The following TENM2 variants were observed in gnomAD, a reference collection of about 807,000 sequenced individuals.
TENM2 encodes the protein teneurin transmembrane protein 2, also known as teneurin-2.
TENM2 carries 52 observed loss-of-function variants against 245.2 expected under a neutral mutation model. The ratio of observed to expected loss-of-function variants is 0.21; its 90% CI spans 0.17 to 0.27. The LOEUF is 0.27. TENM2 is among the 10% of genes least tolerant of loss of function. The probability of loss-of-function intolerance (pLI) is 1.00; values close to 1 mark genes in which losing one functional copy is unlikely to be tolerated. For missense variants in TENM2, 3,046 were observed against 3,666.8 expected, an observed-to-expected ratio of 0.83 and a Z score of 4.37; for synonymous variants, 1,363 against 1,438.9, an observed-to-expected ratio of 0.95 and a Z score of 1.19.
chr5:167,327,806 G>A (rs1757176923), intron 1 of TENM2, among the ~76,000 whole-genome samples: 1 of 152,206 alleles, frequency 6.6e-6, no homozygotes, highest in Admixed American at 6.5e-5. Context: ...GTAGAGTATT[G>A]CAGGTCATGA....
intron 2 of TENM2, among the ~76,000 whole-genome samples, chr5:167,460,824 A>C (rs1049560208): frequency 2.0e-5 from 3 of 151,778 alleles, no homozygotes; most frequent in African/African-American, 7.3e-5. Context: ...CTTTTAAGGG[A>C]CTCCTTTTAT....
chr5:167,746,706 A>AGAGAGAGAGAGAGAGAGAGAGAGAGC (rs1561732796), intron 2 of TENM2, among the ~76,000 whole-genome samples: 1 of 142,490 alleles, frequency 7.0e-6, no homozygotes, highest in Non-Finnish European at 1.6e-5. Context: ...AGAGAGAGAG[A>AGAGAGAGAGAGAGAGAGAGAGAGAGC]GAGAGAGAGC....
chr5:167,335,609 T>G (rs1353945156), intron 1 of TENM2, among the ~76,000 whole-genome samples: 1 of 149,418 alleles, frequency 6.7e-6, no homozygotes, highest in Non-Finnish European at 1.5e-5. Flanking sequence ...AGACTCATCT[T>G]TTTTTTTTTA....
chr5:167,348,198 A>G (rs187669422), intron 1 of TENM2, among the ~76,000 whole-genome samples: 1 of 152,362 alleles, frequency 6.6e-6, no homozygotes, highest in East Asian at 1.9e-4. Context: ...AAACAGATTT[A>G]CAATCCGAGG....
chr5:167,152,213 G>A, the TENM2 span, among the ~76,000 whole-genome samples: 1 of 152,210 alleles, frequency 6.6e-6, no homozygotes, highest in African/African-American at 2.4e-5. Flanking sequence ...TACATGGTAT[G>A]AAGCAGAAAT....
intron 1 of TENM2, among the ~76,000 whole-genome samples, chr5:167,355,082 T>A (rs2127239469): frequency 6.6e-6 from 1 of 152,292 alleles, no homozygotes; most frequent in East Asian, 1.9e-4. Context: ...GCTTATGAGA[T>A]CCCCAAAAGC....
rs572187768 is a variant in TENM2, at chr5:168,153,917, C to T, written c.2423-8694C>T. On this transcript the variant is annotated intron_variant, in intron 12 of 28. Transcript: ENST00000518659. ...CAGGGGCATGGCATGAGTTGGGGTGCGTTTTAGCAACACGGTGCTATTCAC... is the reference window on the plus strand; with the variant it reads ...CAGGGGCATGGCATGAGTTGGGGTGTGTTTTAGCAACACGGTGCTATTCAC... Among the ~76,000 whole-genome samples, 8 of 152,106 alleles carry T rather than the reference C, an allele frequency of 5.3e-5. No individual in the cohort carries two copies. In the East Asian group the frequency reaches 7.8e-4, roughly 15 times the overall value.
At chr5:167,745,932 C>T (rs1041216421) in intron 2 of TENM2, among the ~76,000 whole-genome samples, 3 of 152,110 alleles carry the variant, frequency 2.0e-5, no homozygotes, top group African/African-American at 7.2e-5. Context: ...CTTATGATGC[C>T]ATGGACATTC....
At chr5:167,184,749 T>G in the TENM2 span, among the ~76,000 whole-genome samples, 2 of 152,264 alleles carry the variant, frequency 1.3e-5, no homozygotes, top group African/African-American at 2.4e-5. Flanking sequence ...TACTTTGCAG[T>G]CCTCAGGCTA....
rs143559683 is a variant in TENM2 at position 167,498,164 on chromosome 5, CCT to C, written c.502+122694_502+122695del. Among the ~76,000 whole-genome samples, 1,421 of 152,184 alleles carry C rather than the reference CCT, an allele frequency of 9.3e-3. 27 individuals are homozygous for C. The highest frequency in any genetic ancestry group is 0.033 in the African/African-American group (1,361 of 41,514). ...GCATGCTTTTAATGTTGAAAGAAGA[CCT>C]CTGTGTTTCTAGGATTACATTGTCG... On this transcript the variant is annotated intron_variant, in intron 2 of 28. Coordinates refer to ENST00000518659, the Ensembl canonical transcript of TENM2.
chr5:168,098,459 T>C (rs2152277146), intron 9 of TENM2, among the ~76,000 whole-genome samples: 1 of 152,298 alleles, frequency 6.6e-6, no homozygotes, highest in African/African-American at 2.4e-5. Context: ...TTCTATGTAA[T>C]GGAAGATTAA....
intron 2 of TENM2, among the ~76,000 whole-genome samples, chr5:167,568,119 G>A (rs554757429): frequency 6.6e-6 from 1 of 152,186 alleles, no homozygotes; most frequent in Non-Finnish European, 1.5e-5. Context: ...CCAAAGGCAG[G>A]ACAAGATTAA....
In TENM2 at chr5:167,431,180, G is replaced by A. The variant is rs146099847; in HGVS notation, c.502+55707G>A. Among the ~76,000 whole-genome samples the A allele has an allele frequency of 6.6e-3, 1,007 of 152,140 alleles. 3 individuals are homozygous for A. The highest frequency in any genetic ancestry group is 0.023 in the African/African-American group (951 of 41,496). ...GTGAGGGCATAACATTTAGATTTTAGGTCATTAAGACAATTATCAATTTCT... is the reference window on the plus strand; with the variant it reads ...GTGAGGGCATAACATTTAGATTTTAAGTCATTAAGACAATTATCAATTTCT... On this transcript the variant is annotated intron_variant, in intron 2 of 28. Coordinates refer to ENST00000518659, the Ensembl canonical transcript of TENM2.
chr5:167,638,176 T>C (rs566327937), intron 2 of TENM2, among the ~76,000 whole-genome samples: 16 of 150,068 alleles, frequency 1.1e-4, no homozygotes, highest in African/African-American at 3.4e-4. Flanking sequence ...TGCACATGCA[T>C]TCATTCACAC....
At chr5:167,224,152 T>G in the TENM2 span, among the ~76,000 whole-genome samples, 1 of 152,162 alleles carries the variant, frequency 6.6e-6, no homozygotes, top group Non-Finnish European at 1.5e-5. Flanking sequence ...ACCTCTTCAC[T>G]CTGTTGATTG....
At chr5:167,208,031 G>T in the TENM2 span, among the ~76,000 whole-genome samples, 1 of 152,200 alleles carries the variant, frequency 6.6e-6, no homozygotes, top group Non-Finnish European at 1.5e-5. Flanking sequence ...TGGGATTACA[G>T]GCGTGAGCCA....
rs1035668433 is a variant in TENM2, at chr5:167,992,841, T to C, written c.948-103T>C. 5 of 819,860 alleles carry C rather than the reference T, an allele frequency of 6.1e-6. No homozygotes were observed. The Admixed American group carries it at 6.9e-5, about 11-fold the overall frequency. 50.8% of individuals were successfully genotyped at this position (819,860 alleles called of 1,614,324 possible). On this transcript the variant is annotated intron_variant, in intron 4 of 28. Coordinates refer to ENST00000518659, the Ensembl canonical transcript of TENM2. ...CCACTCCAGGGTAAGCTTAGTTAACTAGGATTATGCTAGGACTAGATAGAG... is the reference window on the plus strand; with the variant it reads ...CCACTCCAGGGTAAGCTTAGTTAACCAGGATTATGCTAGGACTAGATAGAG...
intron 2 of TENM2, among the ~76,000 whole-genome samples, chr5:167,482,809 T>G (rs1192012962): frequency 6.6e-6 from 1 of 152,196 alleles, no homozygotes; most frequent in South Asian, 2.1e-4. Flanking sequence ...AGTGAGGTAA[T>G]TGACATACAG....
chr5:167,373,861 G>A (rs1760585932), intron 1 of TENM2, among the ~76,000 whole-genome samples: 1 of 152,156 alleles, frequency 6.6e-6, no homozygotes, highest in Non-Finnish European at 1.5e-5. Context: ...AAGCCTAAAG[G>A]TATCTGGCCC....
Sources: gnomAD v4.1 joint callset for allele counts (sites outside exome capture counted in the v4.1 genomes callset) on GRCh38, gnomAD v4.1.1 for gene constraint, MANE v1.5 for transcripts, NCBI Gene and HGNC (gene_info 2026-07-23, HGNC 2026-07-21) for gene names.